The following SDK1 variants were observed in gnomAD, a reference collection of about 807,000 sequenced individuals.
The protein encoded by SDK1 is protein sidekick-1.
In SDK1, 157 loss-of-function variants were observed where a neutral mutation model predicts 245.5. The observed-to-expected ratio is 0.64, with a 90% CI of 0.56 to 0.73. The LOEUF is 0.73. Among genes scored for constraint, SDK1 ranks in the 30% least tolerant of loss-of-function variants. The pLI is 0.00. For synonymous variants in SDK1, 1,647 were observed against 1,278.5 expected (o/e 1.29, Z -6.15); for missense variants, 3,583 against 3,002.3 (o/e 1.19, Z -4.52).
chr7:4,195,417 G>A (rs944593460), intron 35 of SDK1, among the ~76,000 whole-genome samples: 40 of 152,160 alleles, frequency 2.6e-4, no homozygotes, highest in African/African-American at 9.2e-4. Context: ...GGGTTTCTTG[G>A]GGCTCAGCTT....
chr7:3,471,485 A>G (rs1276453301), intron 1 of SDK1, among the ~76,000 whole-genome samples: 5 of 152,192 alleles, frequency 3.3e-5, no homozygotes, highest in Non-Finnish European at 5.9e-5. Flanking sequence ...AACTACAGGT[A>G]CTTAAAACCT....
At chr7:3,849,847 G>A (rs1169754978) in intron 5 of SDK1, among the ~76,000 whole-genome samples, 1 of 152,206 alleles carries the variant, frequency 6.6e-6, no homozygotes, top group Non-Finnish European at 1.5e-5. Context: ...AGCTCACGTG[G>A]AGAGTTTGTG....
chr7:3,501,867 G>A (rs1269795485), intron 1 of SDK1, among the ~76,000 whole-genome samples: 1 of 152,060 alleles, frequency 6.6e-6, no homozygotes, highest in Admixed American at 6.5e-5. Flanking sequence ...TGTATTATGA[G>A]CTCTTGTTGA....
At chr7:4,158,952 A>C (rs1584326202) in intron 31 of SDK1, among the ~76,000 whole-genome samples, 1 of 152,224 alleles carries the variant, frequency 6.6e-6, no homozygotes, top group South Asian at 2.1e-4. Context: ...TCAGAGCTCC[A>C]GGTGGCGTTT....
chr7:3,370,954 C>T (rs1278106662), intron 1 of SDK1, among the ~76,000 whole-genome samples: 1 of 152,114 alleles, frequency 6.6e-6, no homozygotes, highest in Non-Finnish European at 1.5e-5. Context: ...CAACATGCAG[C>T]CCCGCAGCAG....
In SDK1 at chr7:4,012,123, G is replaced by T; in HGVS notation, c.2308G>T (p.Ala770Ser). 1 of 1,572,792 alleles carries T rather than the reference G, an allele frequency of 6.4e-7. No individual in the cohort carries two copies. The highest frequency in any genetic ancestry group is 8.6e-7 in the Non-Finnish European group (1 of 1,160,126). ...GATGCTACCTGAAGAACCACCCAGT[G>T]CTCCCCCGAAAAATATAGTGGCCAG... is the stretch of plus-strand genomic sequence containing the variant. ...RLMLPEEPPS[A>S]PPKNIVASGR... The change falls in exon 16 of 45, where the codon GCT (alanine) becomes TCT (serine). Residue 770 changes from alanine (A) to serine (S), a missense_variant. By Grantham distance (99) the Ala-to-Ser change is moderately conservative. Coordinates refer to ENST00000404826, the MANE Select transcript of SDK1 (RefSeq NM_152744.4).
intron 35 of SDK1, 89 bp from the exon 36 acceptor site, chr7:4,205,790 C>G: frequency 9.6e-7 from 1 of 1,041,666 alleles, no homozygotes; most frequent in Non-Finnish European, 1.5e-6. Flanking sequence ...GGAATTAGGG[C>G]ATGCTCGAGC....
chr7:3,719,936 C>A (rs1785316198), intron 4 of SDK1, among the ~76,000 whole-genome samples: 2 of 151,424 alleles, frequency 1.3e-5, no homozygotes, highest in Admixed American at 6.6e-5. Flanking sequence ...GAGATCGTGC[C>A]ACTGCACCCC....
intron 1 of SDK1, among the ~76,000 whole-genome samples, chr7:3,564,732 C>T (rs1562566197): frequency 1.3e-5 from 2 of 151,974 alleles, no homozygotes; most frequent in South Asian, 2.1e-4. Flanking sequence ...AAGCTTTCCT[C>T]CCAGAAAGCA....
chr7:3,913,527 T>G (rs569615625), intron 5 of SDK1, among the ~76,000 whole-genome samples: 1 of 152,176 alleles, frequency 6.6e-6, no homozygotes, highest in East Asian at 1.9e-4. Context: ...TCTCCTGACG[T>G]CGTGATCCAC....
intron 1 of SDK1, among the ~76,000 whole-genome samples, chr7:3,463,115 G>A (rs1483260369): frequency 6.6e-6 from 1 of 152,048 alleles, no homozygotes; most frequent in Non-Finnish European, 1.5e-5. Context: ...TCTATCCTGT[G>A]CTTTAGATCT....
chr7:3,570,427 C>T (rs776947679), intron 1 of SDK1, among the ~76,000 whole-genome samples: 2 of 152,140 alleles, frequency 1.3e-5, no homozygotes, highest in Non-Finnish European at 2.9e-5. Flanking sequence ...TCACCTCCTG[C>T]TGTGCAGCTG....
intron 5 of SDK1, among the ~76,000 whole-genome samples, chr7:3,845,816 TTGAG>T (rs1254342153): frequency 4.6e-5 from 7 of 152,102 alleles, no homozygotes; most frequent in Non-Finnish European, 1.5e-5. Flanking sequence ...AAAATAAAAT[TTGAG>T]TGAATAAATT....
chr7:3,365,086 T>G (rs1230262961), intron 1 of SDK1, among the ~76,000 whole-genome samples: 1 of 152,106 alleles, frequency 6.6e-6, no homozygotes, highest in Non-Finnish European at 1.5e-5. Flanking sequence ...CATATAGGAG[T>G]TTTTATCTTA....
chr7:3,354,622 C>T (rs922584966), intron 1 of SDK1, among the ~76,000 whole-genome samples: 7 of 152,092 alleles, frequency 4.6e-5, no homozygotes, highest in African/African-American at 1.7e-4. Flanking sequence ...TCATGTGTAT[C>T]AAAGCTACCC....
intron 4 of SDK1, among the ~76,000 whole-genome samples, chr7:3,729,591 C>T (rs1287595056): frequency 6.6e-6 from 1 of 152,116 alleles, no homozygotes; most frequent in Non-Finnish European, 1.5e-5. Flanking sequence ...AATTGGTTGG[C>T]CACATTACCT....
intron 1 of SDK1, among the ~76,000 whole-genome samples, chr7:3,520,889 C>G (rs1203055806): frequency 1.3e-5 from 2 of 152,134 alleles, no homozygotes; most frequent in Non-Finnish European, 2.9e-5. Flanking sequence ...CACAAATTGA[C>G]CAGTTTAAAA....
In SDK1 at chr7:3,372,893, C is replaced by T. The variant is rs113899091; in HGVS notation, c.298+71009C>T. Among the ~76,000 whole-genome samples the T allele has an allele frequency of 3.0e-4, 46 of 152,226 alleles. 1 individual carries two copies. Among genetic ancestry groups the T allele is most frequent in the African/African-American group, 9.4e-4 (39 of 41,540 alleles). The stretch of plus-strand genomic sequence containing the variant: ...TGTAGAAACTTGCTTCAGTCTGTTT[C>T]TTATATTCCCAATTTTAAAATACTT... On this transcript the variant is annotated intron_variant, in intron 1 of 44. Coordinates refer to ENST00000404826, the MANE Select transcript of SDK1 (RefSeq NM_152744.4).
intron 28 of SDK1, among the ~76,000 whole-genome samples, chr7:4,140,363 G>A (rs2128204645): frequency 6.6e-6 from 1 of 152,292 alleles, no homozygotes; most frequent in Non-Finnish European, 1.5e-5. Flanking sequence ...TCCCCAGATG[G>A]GAGCCCTCAC....
Sources: gnomAD v4.1 joint callset for allele counts (sites outside exome capture counted in the v4.1 genomes callset) on GRCh38, gnomAD v4.1.1 for gene constraint, MANE v1.5 for transcripts, NCBI Gene and HGNC (gene_info 2026-07-23, HGNC 2026-07-21) for gene names.